The following ARFGEF2 variants were observed in gnomAD, a reference collection of about 807,000 sequenced individuals.
ARFGEF2 encodes the protein ARF guanine nucleotide exchange factor 2.
A neutral mutation model predicts 219.9 loss-of-function variants in ARFGEF2; 74 were observed. That is an observed-to-expected ratio of 0.34 (90% CI 0.28 to 0.41). The LOEUF (loss-of-function observed/expected upper bound fraction) is 0.41, where lower values mean the gene tolerates loss of function less well. Ranked by LOEUF, ARFGEF2 falls within the 10% of genes least tolerant of loss-of-function variation. ARFGEF2 has a pLI of 1.00. For missense variants in ARFGEF2, 1,743 were observed against 2,218.3 expected (o/e 0.79, Z 4.30); for synonymous variants, 733 against 799.2 (o/e 0.92, Z 1.40).
chr20:48,968,538 G>A lies in ARFGEF2; in HGVS notation c.1060-609G>A, dbSNP rs1012836598. ...CTGTCTTAGCCTCCCAAGAAGCTGGGATTAGCAGAGATGAGGTTTCACTAT... is the reference window on the plus strand; with the variant it reads ...CTGTCTTAGCCTCCCAAGAAGCTGGAATTAGCAGAGATGAGGTTTCACTAT... On this transcript the variant is annotated intron_variant, in intron 8 of 38. Transcript: ENST00000371917. 2.6e-5 allele frequency among the ~76,000 whole-genome samples: 4 copies of A among 151,812 alleles called. No homozygotes were observed. The East Asian group carries it at 7.8e-4, about 29-fold the overall frequency.
chr20:48,974,757 G>T lies in ARFGEF2; in HGVS notation c.1666-9G>T. The T allele has an allele frequency of 6.2e-7, 1 of 1,608,780 alleles. No homozygotes were observed. The highest frequency in any genetic ancestry group is 8.5e-7 in the Non-Finnish European group (1 of 1,176,232). On this transcript the variant is annotated splice_polypyrimidine_tract_variant and intron_variant, in intron 12 of 38. Transcript: ENST00000371917. ...TTAAGTCTCTTTCCTGTGTGACTTC[G>T]TCCCTTAGGAGCTCAGCCTGAGGAA...
chr20:48,975,340 G>T (rs551376528), intron 13 of ARFGEF2, among the ~76,000 whole-genome samples: 6 of 152,224 alleles, frequency 3.9e-5, no homozygotes, highest in Admixed American at 3.3e-4. Context: ...GAGCCACTGT[G>T]CCTGGCCTTC....
intron 8 of ARFGEF2, among the ~76,000 whole-genome samples, chr20:48,966,278 TTC>T (rs1410359654): frequency 6.6e-6 from 1 of 152,222 alleles, no homozygotes; most frequent in Non-Finnish European, 1.5e-5. Flanking sequence ...GCCACTTTTC[TTC>T]TCTCTCAAAA....
At chr20:49,031,248 T>TC (rs2091632622) in intron 37 of ARFGEF2, among the ~76,000 whole-genome samples, 1 of 99,998 alleles carries the variant, frequency 1.0e-5, no homozygotes, top group South Asian at 3.3e-4. Context: ...TTTTTTTTTT[T>TC]TGAGATAGTC....
At chr20:48,975,800 C>CAA (rs1057511883) in intron 13 of ARFGEF2, among the ~76,000 whole-genome samples, 10 of 112,220 alleles carry the variant, frequency 8.9e-5, no homozygotes, top group South Asian at 3.3e-4. Flanking sequence ...GACTCCATCT[C>CAA]AAAAAAAAAA....
chr20:48,953,993 T>C (rs969957498), intron 6 of ARFGEF2, among the ~76,000 whole-genome samples: 1 of 152,230 alleles, frequency 6.6e-6, no homozygotes, highest in Non-Finnish European at 1.5e-5. Context: ...CTGTGCTGTT[T>C]TCTCTAAATA....
intron 15 of ARFGEF2, 143 bp from the exon 16 acceptor site, chr20:48,985,265 G>A: frequency 1.2e-6 from 1 of 854,132 alleles, no homozygotes; most frequent in Non-Finnish European, 1.9e-6. Flanking sequence ...GGGCAGGTCA[G>A]GGAGTTCCCT....
chr20:48,940,592 C>T (rs67777906), intron 1 of ARFGEF2, among the ~76,000 whole-genome samples: 24,609 of 152,202 alleles, frequency 0.16, 2,606 homozygotes, highest in Non-Finnish European at 0.24. Context: ...CAGGTAAGAA[C>T]GTGGCTGTAG....
rs569633405 is a variant in ARFGEF2, at chr20:48,994,576, A to G, written c.3099A>G (p.Glu1033=). The G allele has an allele frequency of 6.2e-7, 1 of 1,614,040 alleles. No homozygotes were observed. Among genetic ancestry groups the G allele is most frequent in the Admixed American group, 1.7e-5 (1 of 60,022 alleles). ...GSLKGHTLAG[E]EFMGLGLGNL... ...TGAAGGGCCACACATTGGCAGGAGA[A>G]GAGTTCATGGGCCTTGGCCTCGGTA... The change falls in exon 22 of 39, where the codon GAA becomes GAG. Residue 1033 remains glutamate (E), a synonymous_variant. Transcript: ENST00000371917.
intron 16 of ARFGEF2, among the ~76,000 whole-genome samples, chr20:48,987,192 A>G (rs993707910): frequency 6.6e-6 from 1 of 152,234 alleles, no homozygotes; most frequent in Non-Finnish European, 1.5e-5. Flanking sequence ...TGTTTACTTT[A>G]AACGTATCTC....
At chr20:48,928,934 G>A (rs2090896416) in intron 1 of ARFGEF2, among the ~76,000 whole-genome samples, 1 of 152,216 alleles carries the variant, frequency 6.6e-6, no homozygotes, top group Non-Finnish European at 1.5e-5. Flanking sequence ...GCTCTATCCT[G>A]TACTTGTAAA....
chr20:49,036,289 A>G lies in ARFGEF2; in HGVS notation c.*3090A>G. On this transcript the variant is annotated 3_prime_UTR_variant, in exon 39 of 39. Transcript: ENST00000371917. Reference sequence around the variant, plus strand: ...TTGGGAAACAAAGAAACCAAAGCTGAGTGTTTTAAAGAATGAACATATCTG... The same window carrying G: ...TTGGGAAACAAAGAAACCAAAGCTGGGTGTTTTAAAGAATGAACATATCTG... The G allele has an allele frequency of 2.5e-6, 1 of 398,348 alleles. No individual in the cohort carries two copies. The allele number at this position is 398,348 out of a possible 1,614,324, so 24.7% of individuals were successfully genotyped here. A position where few individuals can be genotyped will look rare whatever the true frequency, so the allele number is the denominator to read the frequency against.
At chr20:48,994,170 T>C (rs1269925236) in intron 21 of ARFGEF2, among the ~76,000 whole-genome samples, 1 of 151,988 alleles carries the variant, frequency 6.6e-6, no homozygotes, top group African/African-American at 2.4e-5. Flanking sequence ...GGAGCAACAG[T>C]GAGGCCAATG....
chr20:48,954,916 C>A (rs763756099), intron 6 of ARFGEF2, among the ~76,000 whole-genome samples: 1 of 152,140 alleles, frequency 6.6e-6, no homozygotes, highest in Non-Finnish European at 1.5e-5. Flanking sequence ...CAGGTTTTTA[C>A]TGTAACCCTT....
chr20:48,940,740 C>T (rs146549702), intron 1 of ARFGEF2, among the ~76,000 whole-genome samples: 8 of 152,306 alleles, frequency 5.3e-5, no homozygotes, highest in African/African-American at 1.9e-4. Flanking sequence ...TCAGGAGACA[C>T]TTGGCAATGT....
In ARFGEF2 at chr20:49,032,082, T is replaced by G; in HGVS notation, c.5097T>G (p.Thr1699=). 2 of 1,614,136 alleles carry G rather than the reference T, an allele frequency of 1.2e-6. No homozygotes were observed. Among genetic ancestry groups the G allele is most frequent in the Non-Finnish European group, 1.7e-6 (2 of 1,179,994 alleles). ...GTGAAGCTCTTGCCTATTTCATCAC[T>G]GTGAATTCTGAGAGCCATCGGGAGG... ...VCSEALAYFI[T]VNSESHREAW... is the part of the protein sequence containing the mutation. The change falls in exon 38 of 39, where the codon ACT becomes ACG. Residue 1699 remains threonine, a synonymous_variant. Coordinates refer to ENST00000371917, the MANE Select transcript of ARFGEF2 (RefSeq NM_006420.3).
At chr20:48,942,135 T>A in intron 3 of ARFGEF2, 148 bp downstream of exon 3, 1 of 1,161,162 alleles carries the variant, frequency 8.6e-7, no homozygotes, top group South Asian at 1.3e-5. Flanking sequence ...TTTTTGGAGA[T>A]CTCATGAGGG....
chr20:48,940,081 G>T (rs1443784061), intron 1 of ARFGEF2, among the ~76,000 whole-genome samples: 1 of 152,108 alleles, frequency 6.6e-6, no homozygotes. Flanking sequence ...ATTTAGACAG[G>T]GTGTTTTGTT....
intron 29 of ARFGEF2, 59 bp from the exon 30 acceptor site, chr20:49,013,772 T>G (rs868545294): frequency 1.6e-5 from 26 of 1,613,912 alleles, no homozygotes; most frequent in Non-Finnish European, 2.2e-5. Context: ...CCCCACTCTC[T>G]TCTCTGTTGT....
Sources: gnomAD v4.1 joint callset for allele counts (sites outside exome capture counted in the v4.1 genomes callset) on GRCh38, gnomAD v4.1.1 for gene constraint, MANE v1.5 for transcripts, NCBI Gene and HGNC (gene_info 2026-07-23, HGNC 2026-07-21) for gene names.